BRMS1: variants seen among roughly 807,000 people sequenced by gnomAD.
BRMS1 encodes the protein breast cancer metastasis-suppressor 1.
A neutral mutation model predicts 40.4 loss-of-function variants in BRMS1; 26 were observed. That is an observed-to-expected ratio of 0.64 (90% CI 0.47 to 0.89). The LOEUF is 0.89. Ranked by LOEUF, BRMS1 falls within the 40% of genes least tolerant of loss-of-function variation. The probability of loss-of-function intolerance (pLI) is 0.00; values close to 1 mark genes in which losing one functional copy is unlikely to be tolerated. For missense variants in BRMS1, 289 were observed against 309.4 expected (o/e 0.93, Z 0.49); for synonymous variants, 103 against 116.0 (o/e 0.89, Z 0.72).
chr11:66,340,257 G>T, intron 6 of BRMS1, 44 bp from the exon 7 acceptor site: 1 of 1,539,190 alleles, frequency 6.5e-7, no homozygotes. Flanking sequence ...TGGCCCACAG[G>T]ATACTCCCTT....
At chr11:66,340,675 C>T in intron 6 of BRMS1, 99 bp downstream of exon 6, 3 of 1,046,230 alleles carry the variant, frequency 2.9e-6, no homozygotes, top group Non-Finnish European at 4.2e-6. Context: ...GGCAGGTCCT[C>T]TGGCTGTCCC....
At chr11:66,338,172 C>T in intron 9 of BRMS1, 71 bp downstream of exon 9, 1 of 1,578,332 alleles carries the variant, frequency 6.3e-7, no homozygotes, top group Non-Finnish European at 8.6e-7. Flanking sequence ...TGGGCTCCTT[C>T]CTGGAAGCTG....
chr11:66,341,464 C>CA lies in BRMS1; in HGVS notation c.230+68dup. 6.2e-7 allele frequency: 1 copy of CA among 1,600,614 alleles called. No homozygotes were observed. The highest frequency in any genetic ancestry group is 8.6e-7 in the Non-Finnish European group (1 of 1,168,524). On this transcript the variant is annotated intron_variant, in intron 3 of 9. Coordinates refer to ENST00000359957, the MANE Select transcript of BRMS1 (RefSeq NM_015399.4). The surrounding 1 kb of genome is among the most constrained non-coding windows in gnomAD (Gnocchi z 4.9). ...TTCCTGGGCACCAACCACGCCTGCC[C>CA]AGTACCAGGCCCACCACCTCCTCAT...
chr11:66,338,789 T>TG lies in BRMS1; in HGVS notation c.629-5dup, dbSNP rs1348560212. The TG allele has an allele frequency of 1.3e-6, 2 of 1,534,206 alleles. No individual in the cohort carries two copies. Among genetic ancestry groups the TG allele is most frequent in the African/African-American group, 1.4e-5 (1 of 72,322 alleles). The stretch of plus-strand genomic sequence containing the variant: ...AGCATGTACACGATGTATGGGCCTG[T>TG]GGTGGGGGTCAAGGAAGCCTAGTGG... On this transcript the variant is annotated splice_region_variant and splice_polypyrimidine_tract_variant and intron_variant, in intron 7 of 9. Coordinates refer to ENST00000359957, the MANE Select transcript of BRMS1 (RefSeq NM_015399.4).
At position 66,337,532 on chromosome 11, in the gene BRMS1, G is replaced by T; in HGVS notation, c.*350C>A. The T allele has an allele frequency of 1.4e-6, 1 of 732,626 alleles. No individual in the cohort carries two copies. Among genetic ancestry groups the T allele is most frequent in the Non-Finnish European group, 2.2e-6 (1 of 455,922 alleles). 45.4% of individuals were successfully genotyped at this position (732,626 alleles called of 1,614,324 possible). On this transcript the variant is annotated 3_prime_UTR_variant, in exon 10 of 10. Coordinates refer to ENST00000359957, the MANE Select transcript of BRMS1 (RefSeq NM_015399.4). ...CCCTGGCCCTGAGGCCGGACAGCCT[G>T]CATCCAACATCAGCAAGAGGATGTG...
intron 7 of BRMS1, 134 bp from the exon 8 acceptor site, chr11:66,338,919 C>T: frequency 1.2e-6 from 1 of 825,558 alleles, no homozygotes; most frequent in Non-Finnish European, 1.9e-6. Context: ...AGGTCAGGTT[C>T]CACCTCCTAC....
rs759512251 is a variant in BRMS1 at position 66,342,238 on chromosome 11, G to T, written c.-4C>A. ...TGCTTGGAGGCTGGACAGGCATCTG[G>T]ACTCTGGGAGAAGGAATGGAGCTAT... On this transcript the variant is annotated 5_prime_UTR_variant, in exon 2 of 10. Transcript: ENST00000359957. 1 of 1,612,476 alleles carries T rather than the reference G, an allele frequency of 6.2e-7. No individual in the cohort carries two copies. The highest frequency in any genetic ancestry group is 1.1e-5 in the South Asian group (1 of 91,080).
intron 1 of BRMS1, among the ~76,000 whole-genome samples, chr11:66,343,520 G>A (rs149887431): frequency 8.7e-4 from 132 of 152,214 alleles, no homozygotes; most frequent in African/African-American, 3.0e-3. Context: ...ATAAGGGAGG[G>A]GTATATAACC....
At chr11:66,338,504 C>T in intron 8 of BRMS1, 1 of 1,531,516 alleles carries the variant, frequency 6.5e-7, no homozygotes, top group South Asian at 1.2e-5. Context: ...CAAAACCTGC[C>T]CCAGAACGGG....
At position 66,340,767 on chromosome 11, in the gene BRMS1, C is replaced by A; in HGVS notation, c.535+7G>T. 6.2e-7 allele frequency: 1 copy of A among 1,608,814 alleles called. No individual in the cohort carries two copies. The highest frequency in any genetic ancestry group is 1.3e-5 in the African/African-American group (1 of 74,938). On this transcript the variant is annotated splice_region_variant and intron_variant, in intron 6 of 9. Transcript: ENST00000359957. The stretch of plus-strand genomic sequence containing the variant: ...CAGTTCCGGGGTGCCCAGGCTCTCG[C>A]GCTTACCAGAGCTGAGGTCCAGGCT...
chr11:66,342,676 C>G (rs1363304016), intron 1 of BRMS1, among the ~76,000 whole-genome samples: 2 of 152,228 alleles, frequency 1.3e-5, no homozygotes, highest in Non-Finnish European at 2.9e-5. Flanking sequence ...AAGCGATTCT[C>G]CTGCCTCAGC....
chr11:66,342,066 G>GTGTGTC lies in BRMS1; in HGVS notation c.139+29_139+30insGACACA, dbSNP rs771494290. On this transcript the variant is annotated intron_variant, in intron 2 of 9. Coordinates refer to ENST00000359957, the MANE Select transcript of BRMS1 (RefSeq NM_015399.4). ...GTGTGTGTAGGGGCTCTGTGTGTGT[G>GTGTGTC]TGTGTGTGTCTGTGTGTGTAGGGGC... 3.1e-6 allele frequency: 5 copies of GTGTGTC among 1,605,274 alleles called. No individual in the cohort carries two copies. The South Asian group carries it at 3.3e-5, about 11-fold the overall frequency.
chr11:66,340,339 G>A (rs1855038518), intron 6 of BRMS1, 126 bp from the exon 7 acceptor site: 1 of 758,716 alleles, frequency 1.3e-6, no homozygotes, highest in African/African-American at 1.7e-5. Flanking sequence ...CCCTGGGCTT[G>A]GGGTAGAAGC....
At chr11:66,343,937 C>G (rs142033909) in intron 1 of BRMS1, among the ~76,000 whole-genome samples, 17 of 152,302 alleles carry the variant, frequency 1.1e-4, no homozygotes, top group African/African-American at 3.9e-4. Context: ...CAAGAGATCA[C>G]CTAAGAAGAA....
chr11:66,337,924 G>A (rs562445977), intron 9 of BRMS1, 35 bp from the exon 10 acceptor site: 1 of 1,592,006 alleles, frequency 6.3e-7, no homozygotes, highest in East Asian at 2.2e-5. Context: ...ACTGTCACCA[G>A]TTAGGAAGCT....
chr11:66,340,220 C>T lies in BRMS1; in HGVS notation c.536-7G>A, dbSNP rs373982938. 9.9e-6 allele frequency: 16 copies of T among 1,612,590 alleles called. No individual in the cohort carries two copies. The Admixed American group carries it at 1.0e-4, about 10-fold the overall frequency. On this transcript the variant is annotated splice_region_variant and splice_polypyrimidine_tract_variant and intron_variant, in intron 6 of 9. Transcript: ENST00000359957. ...AGTTTGTCATCCCACCATTCTGCCC[C>T]GAGACCCAGAGTTAGAATTGGGGTG...
At chr11:66,338,000 C>T in intron 9 of BRMS1, 111 bp from the exon 10 acceptor site, 2 of 1,270,960 alleles carry the variant, frequency 1.6e-6, no homozygotes, top group Non-Finnish European at 2.2e-6. Context: ...TCCTGGGCAG[C>T]TCCACAGCCC....
In BRMS1 at chr11:66,340,749, G is replaced by A. The variant is rs756661112; in HGVS notation, c.535+25C>T. The A allele has an allele frequency of 5.1e-5, 82 of 1,596,068 alleles. No homozygotes were observed. In the East Asian group the frequency reaches 1.1e-3, roughly 22 times the overall value. Reference sequence around the variant, plus strand: ...CGTGGACTGAGCGGGGCCCAGTTCCGGGGTGCCCAGGCTCTCGCGCTTACC... The same window carrying A: ...CGTGGACTGAGCGGGGCCCAGTTCCAGGGTGCCCAGGCTCTCGCGCTTACC... On this transcript the variant is annotated intron_variant, in intron 6 of 9. Transcript: ENST00000359957.
chr11:66,338,726 T>G lies in BRMS1; in HGVS notation c.688A>C (p.Lys230Gln). Residue 230 changes from lysine (K) to glutamine (Q), a missense_variant, in exon 8 of 10, where the codon AAA (lysine) becomes CAA (glutamine). Transcript: ENST00000359957. ...IDILEDWTAI[K>Q]KARAAVSPQK... is the part of the protein sequence containing the mutation. ...TGGGCAGCAGCGGCCCCCACCTTTTTGATGGCTGTCCAGTCCTCCAGGATG... is the reference window on the plus strand; with the variant it reads ...TGGGCAGCAGCGGCCCCCACCTTTTGGATGGCTGTCCAGTCCTCCAGGATG... 1 of 1,608,348 alleles carries G rather than the reference T, an allele frequency of 6.2e-7. No individual in the cohort carries two copies. The highest frequency in any genetic ancestry group is 1.3e-5 in the African/African-American group (1 of 74,770).
Sources: allele counts gnomAD v4.1 joint callset (sites outside exome capture counted in the v4.1 genomes callset), GRCh38; gene constraint gnomAD v4.1.1; non-coding constraint Gnocchi (gnomAD v3.1); transcripts MANE v1.5; gene names NCBI Gene and HGNC (gene_info 2026-07-23, HGNC 2026-07-21).